ZMYND12: variants seen among roughly 807,000 people sequenced by gnomAD.
ZMYND12 encodes zinc finger MYND-type containing 12.
A neutral mutation model predicts 41.7 loss-of-function variants in ZMYND12; 32 were observed. The observed-to-expected ratio is 0.77, with a 90% CI of 0.58 to 1.03. The LOEUF (loss-of-function observed/expected upper bound fraction) is 1.03. ZMYND12 is among the 50% of genes least tolerant of loss of function. The probability of loss-of-function intolerance (pLI) is 0.00; values close to 1 mark genes in which losing one functional copy is unlikely to be tolerated. For missense variants in ZMYND12, 424 were observed against 438.5 expected, an observed-to-expected ratio of 0.97 and a Z score of 0.30; for synonymous variants, 148 against 164.8, an observed-to-expected ratio of 0.90 and a Z score of 0.78.
chr1:42,451,497 G>A (rs1403630791), intron 1 of ZMYND12, among the ~76,000 whole-genome samples: 3 of 152,172 alleles, frequency 2.0e-5, no homozygotes, highest in Non-Finnish European at 4.4e-5. Flanking sequence ...TTTCTGTAAA[G>A]GGTCAGATAA....
intron 7 of ZMYND12, among the ~76,000 whole-genome samples, chr1:42,431,775 C>T (rs573504830): frequency 6.6e-6 from 1 of 152,210 alleles, no homozygotes; most frequent in South Asian, 2.1e-4. Flanking sequence ...CCCATTCCTA[C>T]CCCTATCCCA....
At chr1:42,438,968 C>T (rs555591257) in intron 4 of ZMYND12, among the ~76,000 whole-genome samples, 70 of 152,186 alleles carry the variant, frequency 4.6e-4, no homozygotes, top group Non-Finnish European at 9.3e-4. Flanking sequence ...AGTTATCATC[C>T]TCAACATCCC....
chr1:42,448,145 T>C (rs1351809889), intron 3 of ZMYND12, among the ~76,000 whole-genome samples: 1 of 152,062 alleles, frequency 6.6e-6, no homozygotes, highest in African/African-American at 2.4e-5. Flanking sequence ...CAGAGAGAAG[T>C]AGATACAGGA....
At chr1:42,445,458 C>A (rs927973751) in intron 3 of ZMYND12, among the ~76,000 whole-genome samples, 1 of 150,412 alleles carries the variant, frequency 6.6e-6, no homozygotes, top group Non-Finnish European at 1.5e-5. Context: ...AAGGGGAGAC[C>A]CAACCTGGTC....
chr1:42,437,344 A>G (rs543731356), intron 4 of ZMYND12, among the ~76,000 whole-genome samples: 9 of 152,096 alleles, frequency 5.9e-5, no homozygotes, highest in Admixed American at 2.6e-4. Context: ...CTGAAACTTG[A>G]TTGTGCTAAT....
intron 3 of ZMYND12, among the ~76,000 whole-genome samples, chr1:42,440,722 T>C (rs912985338): frequency 6.6e-6 from 1 of 152,012 alleles, no homozygotes; most frequent in Non-Finnish European, 1.5e-5. Context: ...CAGACTGGAG[T>C]GTAGTGGCGC....
chr1:42,431,261 C>G (rs1642846879), intron 7 of ZMYND12, among the ~76,000 whole-genome samples: 2 of 152,310 alleles, frequency 1.3e-5, no homozygotes, highest in Middle Eastern at 3.4e-3. Flanking sequence ...GCTCCCCTTT[C>G]TTCCTCCCTT....
intron 3 of ZMYND12, among the ~76,000 whole-genome samples, chr1:42,441,815 T>C (rs1570351091): frequency 1.3e-5 from 2 of 152,022 alleles, no homozygotes; most frequent in Admixed American, 1.3e-4. Flanking sequence ...AGAGACGGGG[T>C]TTCACCGTTT....
In ZMYND12 at chr1:42,450,068, G is replaced by T. The variant is rs1016000745; in HGVS notation, c.111-9C>A. The stretch of plus-strand genomic sequence containing the variant: ...TCTGATGTACCACCCCACTGACAAC[G>T]GAAACATAGACTTTATGATCTTTAT... On this transcript the variant is annotated splice_polypyrimidine_tract_variant and intron_variant, in intron 1 of 7. Transcript: ENST00000372565. 3.0e-5 allele frequency: 48 copies of T among 1,612,970 alleles called. No individual in the cohort carries two copies. In the Admixed American group the frequency reaches 7.0e-4, roughly 24 times the overall value.
intron 3 of ZMYND12, among the ~76,000 whole-genome samples, chr1:42,444,276 G>C (rs1642999401): frequency 6.6e-6 from 1 of 152,146 alleles, no homozygotes; most frequent in Non-Finnish European, 1.5e-5. Context: ...GAAGAGCTTG[G>C]TGCCTACGAT....
chr1:42,441,814 G>T (rs888921120), intron 3 of ZMYND12, among the ~76,000 whole-genome samples: 1,776 of 152,142 alleles, frequency 0.012, 26 homozygotes, highest in African/African-American at 0.042. Flanking sequence ...TAGAGACGGG[G>T]TTTCACCGTT....
chr1:42,435,207 G>T, intron 6 of ZMYND12, 67 bp downstream of exon 6: 2 of 1,246,478 alleles, frequency 1.6e-6, no homozygotes, highest in South Asian at 2.5e-5. Context: ...TTCCCTCTTA[G>T]GGACAAGGTC....
At chr1:42,441,621 G>T (rs1642969765) in intron 3 of ZMYND12, among the ~76,000 whole-genome samples, 1 of 151,222 alleles carries the variant, frequency 6.6e-6, no homozygotes. Context: ...GTATTGTTTT[G>T]TTTTGTTTTG....
chr1:42,444,895 C>T (rs957176506), intron 3 of ZMYND12, among the ~76,000 whole-genome samples: 1 of 150,358 alleles, frequency 6.7e-6, no homozygotes, highest in Non-Finnish European at 1.5e-5. Context: ...GTAAGCTCCG[C>T]CCCCCGGGTT....
chr1:42,446,337 T>C (rs4390214), intron 3 of ZMYND12, among the ~76,000 whole-genome samples: 21,437 of 152,090 alleles, frequency 0.14, 2,104 homozygotes, highest in Middle Eastern at 0.27. Context: ...CAGTATAGAC[T>C]AGTGGTCATA....
intron 3 of ZMYND12, among the ~76,000 whole-genome samples, chr1:42,441,635 T>TG (rs1642970112): frequency 6.6e-6 from 1 of 151,562 alleles, no homozygotes; most frequent in South Asian, 2.1e-4. Flanking sequence ...TGTTTTGTTT[T>TG]TTTGAGACGG....
chr1:42,448,578 C>A lies in ZMYND12; in HGVS notation c.313G>T (p.Glu105Ter). 1 of 1,613,712 alleles carries A rather than the reference C, an allele frequency of 6.2e-7. No individual in the cohort carries two copies. The highest frequency in any genetic ancestry group is 1.3e-5 in the African/African-American group (1 of 75,022). The change falls in exon 3 of 8, where the codon GAA becomes TAA. Residue 105 changes from glutamate to a stop codon, truncating the protein, a stop_gained. Transcript: ENST00000372565. LOFTEE classifies it high-confidence loss of function. ...TGCAAAGCTGCTGGTACAGCATCTT[C>A]GTGTTTCCCTTCAAAGAGGTATTTC... ...AQKYLFEGKH[E>*]DAVPAALQSL...
rs1643168311 is a variant in ZMYND12, at chr1:42,455,934, C to G, written c.64G>C (p.Ala22Pro). 1 of 1,613,590 alleles carries G rather than the reference C, an allele frequency of 6.2e-7. No individual in the cohort carries two copies. Among genetic ancestry groups the G allele is most frequent in the Non-Finnish European group, 8.5e-7 (1 of 1,179,962 alleles). Reference protein sequence around the residue: ...GRRLCCEVCEAPAERVCAACT... With the variant: ...GRRLCCEVCEPPAERVCAACT... ...GCCGCGCACACCCGCTCGGCTGGGG[C>G]TTCGCACACCTCACAGCAGAGTCTG... is the stretch of plus-strand genomic sequence containing the variant. Residue 22 changes from alanine (A) to proline (P), a missense_variant, in exon 1 of 8, where the codon GCC (alanine) becomes CCC (proline). Ala to Pro is a conservative substitution (Grantham distance 27). Coordinates refer to ENST00000372565, the MANE Select transcript of ZMYND12 (RefSeq NM_032257.5).
In ZMYND12 at chr1:42,433,057, G is replaced by A. The variant is rs1351489738; in HGVS notation, c.975+86C>T. 1.9e-6 allele frequency: 3 copies of A among 1,552,382 alleles called. No individual in the cohort carries two copies. The African/African-American group carries it at 4.1e-5, about 21-fold the overall frequency. On this transcript the variant is annotated intron_variant, in intron 7 of 7. Transcript: ENST00000372565. ...GCTTGCTCTGAGGGCAAAAGCTATT[G>A]GAATTGGGCAAAACACAAATTTTGA... is the stretch of plus-strand genomic sequence containing the variant.
Sources: gnomAD v4.1 joint callset for allele counts (sites outside exome capture counted in the v4.1 genomes callset) on GRCh38, gnomAD v4.1.1 for gene constraint, MANE v1.5 for transcripts, NCBI Gene and HGNC (gene_info 2026-07-23, HGNC 2026-07-21) for gene names.